The following CNTNAP4 variants were observed in gnomAD, a reference collection of about 807,000 sequenced individuals.
CNTNAP4 encodes the protein contactin-associated protein-like 4.
A neutral mutation model predicts 148.4 loss-of-function variants in CNTNAP4; 98 were observed. The observed-to-expected ratio is 0.66, with a 90% CI of 0.56 to 0.78. CNTNAP4 has a LOEUF of 0.78. Ranked by LOEUF, CNTNAP4 falls within the 30% of genes least tolerant of loss-of-function variation. The pLI is 0.00. For synonymous variants in CNTNAP4, 730 were observed against 565.1 expected (o/e 1.29, Z -4.14); for missense variants, 1,935 against 1,565.6 (o/e 1.24, Z -3.98).
intron 2 of CNTNAP4, among the ~76,000 whole-genome samples, chr16:76,334,104 C>T (rs1963802318): frequency 6.6e-6 from 1 of 151,858 alleles, no homozygotes; most frequent in South Asian, 2.1e-4. Context: ...ATGGATGCAG[C>T]ACACCAACAT....
At chr16:76,358,630 G>T (rs889967821) in intron 3 of CNTNAP4, among the ~76,000 whole-genome samples, 14 of 152,170 alleles carry the variant, frequency 9.2e-5, no homozygotes, top group African/African-American at 3.4e-4. Context: ...ATGGTTTCCT[G>T]TGTAATAACT....
rs1348900547 is a variant in CNTNAP4 at position 76,522,762 on chromosome 16, TTTTCTTTTCTTTTC to T, written c.2755+512_2755+525del. The stretch of plus-strand genomic sequence containing the variant: ...TTTTCTTTTCTTTTCTTTTCTTTTC[TTTTCTTTTCTTTTC>T]TTTCTTGACAGAGTCTCGCTCTGTC... On this transcript the variant is annotated intron_variant, in intron 17 of 23. Transcript: ENST00000611870. Among the ~76,000 whole-genome samples the T allele has an allele frequency of 5.5e-3, 591 of 106,988 alleles. 34 individuals carry two copies. Among genetic ancestry groups the T allele is most frequent in the Non-Finnish European group, 7.2e-3 (363 of 50,324 alleles). The allele number at this position is 106,988 out of a possible 152,430, so 70.2% of individuals were successfully genotyped here. A position where few individuals can be genotyped will look rare whatever the true frequency, so the allele number is the denominator to read the frequency against.
rs140231848 is a variant in CNTNAP4 at position 76,312,736 on chromosome 16, G to A, written c.86-3677G>A. On this transcript the variant is annotated intron_variant, in intron 1 of 23. Transcript: ENST00000611870. ...TAGTGGATTCTGGACCGCAACTCAC[G>A]TTATAGATACGGTTCTATCACAATG... Among the ~76,000 whole-genome samples, 319 of 152,216 alleles carry A rather than the reference G, an allele frequency of 2.1e-3. 2 individuals are homozygous for A. Among genetic ancestry groups the A allele is most frequent in the African/African-American group, 6.8e-3 (281 of 41,540 alleles).
intron 12 of CNTNAP4, among the ~76,000 whole-genome samples, chr16:76,487,627 T>G (rs1439101010): frequency 6.6e-5 from 10 of 152,188 alleles, no homozygotes; most frequent in African/African-American, 2.4e-4. Flanking sequence ...TTGCTCAAAA[T>G]CTATTGTGAC....
At chr16:76,290,525 C>G (rs1486064016) in intron 1 of CNTNAP4, among the ~76,000 whole-genome samples, 1 of 152,184 alleles carries the variant, frequency 6.6e-6, no homozygotes. Context: ...TGAGTGTACA[C>G]TGTCCTGCTT....
At chr16:76,470,855 T>G (rs2081344712) in intron 10 of CNTNAP4, among the ~76,000 whole-genome samples, 1 of 152,056 alleles carries the variant, frequency 6.6e-6, no homozygotes, top group Non-Finnish European at 1.5e-5. Context: ...TCTACACACA[T>G]GCACCAATGT....
At chr16:76,385,178 A>G (rs1347637426) in intron 3 of CNTNAP4, among the ~76,000 whole-genome samples, 1 of 152,108 alleles carries the variant, frequency 6.6e-6, no homozygotes, top group Non-Finnish European at 1.5e-5. Flanking sequence ...CTTACTCCAG[A>G]TTTTTCCCAG....
At chr16:76,337,799 T>TC (rs1173874429) in intron 2 of CNTNAP4, among the ~76,000 whole-genome samples, 3 of 152,128 alleles carry the variant, frequency 2.0e-5, no homozygotes, top group East Asian at 1.9e-4. Context: ...ATGCATTCCT[T>TC]CCCCAGGGTT....
In CNTNAP4 at chr16:76,427,675, T is replaced by C. The variant is rs1281937218; in HGVS notation, c.538+76T>C. 13 of 1,388,268 alleles carry C rather than the reference T, an allele frequency of 9.4e-6. No individual in the cohort carries two copies. In the South Asian group the frequency reaches 1.5e-4, roughly 16 times the overall value. The allele number at this position is 1,388,268 out of a possible 1,614,324, so 86.0% of individuals were successfully genotyped here. On this transcript the variant is annotated intron_variant, in intron 4 of 23. Transcript: ENST00000611870. ...TTAAAAGCCAAACTACAAACTGAAA[T>C]GGACTTTTTAGCTACATAAAGAGGT... is the stretch of plus-strand genomic sequence containing the variant.
chr16:76,400,615 A>G (rs539968902), intron 3 of CNTNAP4, among the ~76,000 whole-genome samples: 3 of 152,208 alleles, frequency 2.0e-5, no homozygotes, highest in East Asian at 1.9e-4. Context: ...ATCTTTGCCC[A>G]TTGTATGTCC....
intron 17 of CNTNAP4, among the ~76,000 whole-genome samples, chr16:76,534,668 A>G (rs1478472711): frequency 6.6e-6 from 1 of 152,186 alleles, no homozygotes; most frequent in Non-Finnish European, 1.5e-5. Context: ...AAGCTTTGTT[A>G]ACTGTTGAGA....
At chr16:76,495,188 T>G in intron 14 of CNTNAP4, 122 bp downstream of exon 14, 2 of 1,088,852 alleles carry the variant, frequency 1.8e-6, no homozygotes, top group Non-Finnish European at 1.3e-6. Context: ...AAATAAAGGT[T>G]TGTTTTAATG....
chr16:76,282,293 CCA>C (rs1958718210), intron 1 of CNTNAP4, among the ~76,000 whole-genome samples: 1 of 151,460 alleles, frequency 6.6e-6, no homozygotes, highest in African/African-American at 2.4e-5. Context: ...TGTAAAATTC[CCA>C]CAGTTTTAAT....
Position 76,334,146 on chromosome 16 carries a change from C to T in CNTNAP4, c.196+17623C>T, listed in dbSNP as rs559146786. ...TGTATACATGTGTAACAAACCTGCACGTTGTGCACATGTACCCTAAAACTT... is the reference window on the plus strand; with the variant it reads ...TGTATACATGTGTAACAAACCTGCATGTTGTGCACATGTACCCTAAAACTT... On this transcript the variant is annotated intron_variant, in intron 2 of 23. Coordinates refer to ENST00000611870, the MANE Select transcript of CNTNAP4 (RefSeq NM_033401.5). 6.2e-4 allele frequency among the ~76,000 whole-genome samples: 94 copies of T among 150,956 alleles called. 1 individual carries two copies. Among genetic ancestry groups the T allele is most frequent in the African/African-American group, 2.2e-3 (90 of 41,106 alleles).
In CNTNAP4 at chr16:76,504,206, C is replaced by G. The variant is rs2082757085; in HGVS notation, c.2365+5512C>G. On this transcript the variant is annotated intron_variant, in intron 15 of 23. Transcript: ENST00000611870. ...CTAGATTATAAGACTTACTGTAAAA[C>G]TAACAGATATTCAAGGAAGTGTGAT... Among the ~76,000 whole-genome samples the G allele has an allele frequency of 2.0e-5, 3 of 151,652 alleles. No individual in the cohort carries two copies. The South Asian group carries it at 6.2e-4, about 31-fold the overall frequency.
intron 3 of CNTNAP4, among the ~76,000 whole-genome samples, chr16:76,397,370 G>A (rs369915255): frequency 6.6e-6 from 1 of 151,884 alleles, no homozygotes; most frequent in Non-Finnish European, 1.5e-5. Flanking sequence ...TGAGGAAAGG[G>A]ATTAAATCAT....
intron 3 of CNTNAP4, among the ~76,000 whole-genome samples, chr16:76,382,294 A>G (rs914102010): frequency 2.0e-5 from 3 of 152,134 alleles, no homozygotes; most frequent in African/African-American, 7.2e-5. Flanking sequence ...TATTTCAACT[A>G]TTAAGTTGAA....
intron 14 of CNTNAP4, among the ~76,000 whole-genome samples, chr16:76,497,187 G>C (rs2082427178): frequency 6.6e-6 from 1 of 152,058 alleles, no homozygotes; most frequent in African/African-American, 2.4e-5. Context: ...TAAATTCACT[G>C]TTTACTTTTA....
At chr16:76,434,701 A>G (rs936869169) in intron 4 of CNTNAP4, among the ~76,000 whole-genome samples, 5 of 152,192 alleles carry the variant, frequency 3.3e-5, no homozygotes, top group Non-Finnish European at 7.4e-5. Context: ...AGGCAGCTCT[A>G]AGGGCTTCCA....
Sources: allele counts gnomAD v4.1 joint callset (sites outside exome capture counted in the v4.1 genomes callset), GRCh38; gene constraint gnomAD v4.1.1; transcripts MANE v1.5; gene names NCBI Gene and HGNC (gene_info 2026-07-23, HGNC 2026-07-21).